WWC2: variants seen among roughly 807,000 people sequenced by gnomAD.
WWC2 encodes WW and C2 domain containing 2.
Under a neutral mutation model 138.5 loss-of-function variants are expected in WWC2, and 101 were observed. The observed-to-expected ratio is 0.73, with a 90% confidence interval of 0.62 to 0.86. The LOEUF (loss-of-function observed/expected upper bound fraction) is 0.86. Among genes scored for constraint, WWC2 ranks in the 40% least tolerant of loss-of-function variants. The pLI is 0.00. For synonymous variants in WWC2, 558 were observed against 538.4 expected (o/e 1.04, Z -0.50); for missense variants, 1,420 against 1,419.4 (o/e 1.00, Z -0.01).
In WWC2 at chr4:183,186,203, C is replaced by T. The variant is rs574523704; in HGVS notation, c.132-7396C>T. Among the ~76,000 whole-genome samples the T allele has an allele frequency of 3.9e-5, 6 of 152,270 alleles. No homozygotes were observed. The South Asian group carries it at 1.2e-3, about 32-fold the overall frequency. On this transcript the variant is annotated intron_variant, in intron 1 of 22. Transcript: ENST00000403733. Reference sequence around the variant, plus strand: ...TTGTGATCCTCCCGCCTCAGCCTCCCAAAGTGCTGGGATTATAGGCGTAAT... The same window carrying T: ...TTGTGATCCTCCCGCCTCAGCCTCCTAAAGTGCTGGGATTATAGGCGTAAT...
intron 2 of WWC2, among the ~76,000 whole-genome samples, chr4:183,201,166 C>G (rs1297447805): frequency 6.6e-6 from 1 of 152,176 alleles, no homozygotes; most frequent in African/African-American, 2.4e-5. Flanking sequence ...CCCACATTCT[C>G]CAGATGGCTG....
At chr4:183,256,019 G>A (rs1737126183) in intron 9 of WWC2, among the ~76,000 whole-genome samples, 2 of 152,186 alleles carry the variant, frequency 1.3e-5, no homozygotes, top group South Asian at 2.1e-4. Context: ...CATCTGGGGA[G>A]TAAGTGGTGT....
At chr4:183,158,015 C>T (rs1455049288) in intron 1 of WWC2, among the ~76,000 whole-genome samples, 1 of 152,084 alleles carries the variant, frequency 6.6e-6, no homozygotes, top group Non-Finnish European at 1.5e-5. Context: ...CCCCTTTCCT[C>T]CATCTCACCT....
At chr4:183,132,928 C>T (rs1030798305) in intron 1 of WWC2, among the ~76,000 whole-genome samples, 3 of 148,620 alleles carry the variant, frequency 2.0e-5, no homozygotes, top group African/African-American at 7.5e-5. Flanking sequence ...TTTGACTTAT[C>T]AATACTTTAT....
At chr4:183,188,643 C>CTT (rs11341026) in intron 1 of WWC2, among the ~76,000 whole-genome samples, 4 of 79,752 alleles carry the variant, frequency 5.0e-5, no homozygotes, top group African/African-American at 1.4e-4. Flanking sequence ...TTGCTCCTTT[C>CTT]TTTTTTTTTT....
chr4:183,280,792 T>G lies in WWC2; in HGVS notation c.2579T>G (p.Leu860Ter). 6.2e-7 allele frequency: 1 copy of G among 1,604,730 alleles called. No homozygotes were observed. The highest frequency in any genetic ancestry group is 8.5e-7 in the Non-Finnish European group (1 of 1,175,514). The change falls in exon 17 of 23, where the codon TTA (leucine) becomes TGA (stop). Residue 860 changes from leucine to a stop codon, truncating the protein, a stop_gained. Coordinates refer to ENST00000403733, the MANE Select transcript of WWC2 (RefSeq NM_024949.6). LOFTEE classifies it high-confidence loss of function. Reference protein sequence around the residue: ...DSIDLDAVSALLARTSAELLA... With the variant: ...DSIDLDAVSA Reference sequence around the variant, plus strand: ...ATTCTTCAGGATGCAGTGTCAGCCTTACTTGCAAGAACATCAGCTGAGTTG... The same window carrying G: ...ATTCTTCAGGATGCAGTGTCAGCCTGACTTGCAAGAACATCAGCTGAGTTG...
intron 14 of WWC2, among the ~76,000 whole-genome samples, chr4:183,267,267 A>C (rs1276270647): frequency 1.3e-5 from 2 of 152,204 alleles, no homozygotes; most frequent in African/African-American, 4.8e-5. Context: ...GACTGTCCAC[A>C]TCATTAGTGA....
intron 4 of WWC2, among the ~76,000 whole-genome samples, chr4:183,237,965 C>G (rs150711325): frequency 1.3e-5 from 2 of 152,084 alleles, no homozygotes; most frequent in Admixed American, 1.3e-4. Flanking sequence ...CGCTTGCTCT[C>G]GAACACTCTT....
intron 1 of WWC2, among the ~76,000 whole-genome samples, chr4:183,102,434 G>A (rs994390213): frequency 2.0e-5 from 3 of 152,154 alleles, no homozygotes; most frequent in African/African-American, 7.2e-5. Context: ...TCATTCTCCC[G>A]TTGGTCCTGT....
chr4:183,296,838 A>G (rs957649652), intron 21 of WWC2, among the ~76,000 whole-genome samples: 2 of 146,572 alleles, frequency 1.4e-5, no homozygotes, highest in African/African-American at 5.0e-5. Context: ...GGAGGCTGAG[A>G]CAGGAGAATG....
chr4:183,252,391 C>T (rs1737005151), intron 8 of WWC2, among the ~76,000 whole-genome samples: 1 of 152,206 alleles, frequency 6.6e-6, no homozygotes, highest in Admixed American at 6.5e-5. Context: ...ACCTTATGAA[C>T]AGTCCTCATT....
chr4:183,207,284 C>CA (rs1192682961), intron 2 of WWC2, among the ~76,000 whole-genome samples: 1 of 151,980 alleles, frequency 6.6e-6, no homozygotes, highest in East Asian at 1.9e-4. Context: ...TCTGTATAAA[C>CA]AGGACCAGGG....
chr4:183,155,189 G>GGGGAGAGAGAGAGAGAGAGAGAGA (rs1554067851), intron 1 of WWC2, among the ~76,000 whole-genome samples: 7 of 103,728 alleles, frequency 6.7e-5, no homozygotes, highest in African/African-American at 2.4e-4. Flanking sequence ...CATCTTCTGA[G>GGGGAGAGAGAGAGAGAGAGAGAGA]GAGAGAGAGA....
chr4:183,319,768 C>A lies in WWC2; in HGVS notation c.*4039C>A. ...CTGGGGACAAAGTCTGGGACGTTCT[C>A]ATCCCAGAACTCCTGAACCGTCTTG... On this transcript the variant is annotated 3_prime_UTR_variant, in exon 23 of 23. Transcript: ENST00000403733. The A allele has an allele frequency of 6.2e-7, 1 of 1,614,046 alleles. No individual in the cohort carries two copies. The highest frequency in any genetic ancestry group is 8.5e-7 in the Non-Finnish European group (1 of 1,179,960).
intron 1 of WWC2, among the ~76,000 whole-genome samples, chr4:183,162,463 G>T (rs1206223629): frequency 1.3e-5 from 2 of 152,098 alleles, no homozygotes; most frequent in South Asian, 2.1e-4. Flanking sequence ...AACAATAAAC[G>T]TTCTTTGCCT....
chr4:183,240,074 T>C (rs1736568744), intron 4 of WWC2, 109 bp from the exon 5 acceptor site: 2 of 727,752 alleles, frequency 2.7e-6, no homozygotes, highest in Non-Finnish European at 4.3e-6. Context: ...TTACTTTAAC[T>C]CATGGCTTTG....
At chr4:183,288,201 C>T (rs1560888343) in intron 20 of WWC2, among the ~76,000 whole-genome samples, 2 of 152,072 alleles carry the variant, frequency 1.3e-5, no homozygotes, top group African/African-American at 4.8e-5. Flanking sequence ...GGAGGAAGAA[C>T]AGGAGGACAC....
At chr4:183,248,259 C>T (rs1278906484) in intron 6 of WWC2, among the ~76,000 whole-genome samples, 1 of 152,194 alleles carries the variant, frequency 6.6e-6, no homozygotes, top group African/African-American at 2.4e-5. Flanking sequence ...CTCTTGGGTC[C>T]TGTCCAGATG....
intron 1 of WWC2, among the ~76,000 whole-genome samples, chr4:183,163,002 T>C (rs547852552): frequency 6.6e-6 from 1 of 152,298 alleles, no homozygotes; most frequent in East Asian, 1.9e-4. Context: ...GGAGCCCTTT[T>C]ACATGAGTGC....
Sources: gnomAD v4.1 joint callset for allele counts (sites outside exome capture counted in the v4.1 genomes callset) on GRCh38, gnomAD v4.1.1 for gene constraint, MANE v1.5 for transcripts, NCBI Gene and HGNC (gene_info 2026-07-23, HGNC 2026-07-21) for gene names.